The following CNTN5 variants were observed in gnomAD, a reference collection of about 807,000 sequenced individuals.
CNTN5 encodes contactin-5.
In CNTN5, 77 loss-of-function variants were observed where a neutral mutation model predicts 129.1. The ratio of observed to expected loss-of-function variants is 0.60; its 90% CI spans 0.50 to 0.72. The LOEUF (loss-of-function observed/expected upper bound fraction) is 0.72, where lower values mean the gene tolerates loss of function less well. Ranked by LOEUF, CNTN5 falls within the 30% of genes least tolerant of loss-of-function variation. The probability of loss-of-function intolerance (pLI) is 0.00; values close to 1 mark genes in which losing one functional copy is unlikely to be tolerated. For synonymous variants in CNTN5, 509 were observed against 465.6 expected (o/e 1.09, Z -1.20); for missense variants, 1,478 against 1,328.8 (o/e 1.11, Z -1.75).
At chr11:99,464,314 A>G (rs1388732177) in intron 2 of CNTN5, among the ~76,000 whole-genome samples, 1 of 152,218 alleles carries the variant, frequency 6.6e-6, no homozygotes, top group East Asian at 1.9e-4. Context: ...AGCACATGTT[A>G]TCATTGGAAG....
chr11:100,107,183 C>T (rs1038365377), intron 13 of CNTN5, among the ~76,000 whole-genome samples: 1 of 152,116 alleles, frequency 6.6e-6, no homozygotes, highest in East Asian at 1.9e-4. Context: ...TTTTTCCTCA[C>T]TCCTGCCTTG....
chr11:99,833,775 C>G (rs1441357216), intron 4 of CNTN5, among the ~76,000 whole-genome samples: 1 of 152,128 alleles, frequency 6.6e-6, no homozygotes, highest in Non-Finnish European at 1.5e-5. Flanking sequence ...TCAAGACCCT[C>G]TTGTAGAAGA....
At chr11:99,919,230 A>T (rs1357730826) in intron 7 of CNTN5, among the ~76,000 whole-genome samples, 1 of 142,296 alleles carries the variant, frequency 7.0e-6, no homozygotes, top group Non-Finnish European at 1.5e-5. Flanking sequence ...CATTTGTTGC[A>T]GTTCTAAGAC....
At chr11:99,053,447 T>C (rs1479558541) in intron 1 of CNTN5, among the ~76,000 whole-genome samples, 1 of 151,966 alleles carries the variant, frequency 6.6e-6, no homozygotes, top group Non-Finnish European at 1.5e-5. Context: ...CTTTTCAATA[T>C]ATATGTTTTT....
At chr11:99,213,097 A>G (rs976510432) in intron 1 of CNTN5, among the ~76,000 whole-genome samples, 6 of 151,674 alleles carry the variant, frequency 4.0e-5, no homozygotes, top group Admixed American at 1.3e-4. Flanking sequence ...AAGTTGAGGC[A>G]GGAGAATTGC....
intron 2 of CNTN5, among the ~76,000 whole-genome samples, chr11:99,463,433 G>A (rs1464560448): frequency 3.0e-5 from 2 of 67,446 alleles, no homozygotes; most frequent in Admixed American, 2.2e-4. Flanking sequence ...GCGAGACTCT[G>A]TCTCAAAAAG....
chr11:99,044,847 A>G (rs535723572), intron 1 of CNTN5, among the ~76,000 whole-genome samples: 1 of 152,302 alleles, frequency 6.6e-6, no homozygotes, highest in East Asian at 1.9e-4. Flanking sequence ...CGGTCTCTCT[A>G]CTATCAATGT....
chr11:99,296,952 G>A (rs749444998), intron 1 of CNTN5, among the ~76,000 whole-genome samples: 35 of 152,098 alleles, frequency 2.3e-4, no homozygotes, highest in Non-Finnish European at 3.4e-4. Context: ...AACCAAGAAG[G>A]GCTTACTTCC....
chr11:99,499,753 A>G (rs10893419), intron 2 of CNTN5, among the ~76,000 whole-genome samples: 38,286 of 152,108 alleles, frequency 0.25, 5,347 homozygotes, highest in East Asian at 0.43. Context: ...TTTTGCTGAC[A>G]ATGAGATATT....
chr11:100,074,905 C>A (rs757662332), intron 13 of CNTN5, among the ~76,000 whole-genome samples: 1 of 152,124 alleles, frequency 6.6e-6, no homozygotes, highest in Non-Finnish European at 1.5e-5. Context: ...GGAATCAAAT[C>A]ATCACATGGC....
chr11:100,216,357 A>T (rs903821099), intron 15 of CNTN5, among the ~76,000 whole-genome samples: 1 of 152,324 alleles, frequency 6.6e-6, no homozygotes, highest in Non-Finnish European at 1.5e-5. Context: ...ACAAAATAAT[A>T]TTAATCTTAA....
intron 3 of CNTN5, among the ~76,000 whole-genome samples, chr11:99,655,517 C>T (rs1032874808): frequency 6.6e-6 from 1 of 152,082 alleles, no homozygotes; most frequent in African/African-American, 2.4e-5. Flanking sequence ...CCCTCAAGGT[C>T]CTAGGTCCAT....
At chr11:100,239,821 C>T (rs1025856731) in intron 16 of CNTN5, among the ~76,000 whole-genome samples, 5 of 152,160 alleles carry the variant, frequency 3.3e-5, no homozygotes, top group Non-Finnish European at 7.3e-5. Context: ...ACTGAAGTGT[C>T]AGCATTCTCA....
intron 9 of CNTN5, among the ~76,000 whole-genome samples, chr11:100,029,750 G>T (rs1388408558): frequency 2.0e-5 from 3 of 152,150 alleles, no homozygotes; most frequent in East Asian, 3.9e-4. Context: ...CCTAGCTTTT[G>T]TAATGATTTT....
At chr11:99,764,007 T>A (rs191460364) in intron 3 of CNTN5, among the ~76,000 whole-genome samples, 84 of 152,146 alleles carry the variant, frequency 5.5e-4, no homozygotes, top group Non-Finnish European at 9.3e-4. Flanking sequence ...TTTATATTAT[T>A]TTTTTTCCAA....
chr11:100,188,651 T>G (rs560211018), intron 13 of CNTN5, among the ~76,000 whole-genome samples: 9 of 152,286 alleles, frequency 5.9e-5, no homozygotes, highest in African/African-American at 2.2e-4. Context: ...GAATGTAAAC[T>G]AGTTCAGCCA....
chr11:99,033,299 G>A (rs915698462), intron 1 of CNTN5, among the ~76,000 whole-genome samples: 116 of 152,120 alleles, frequency 7.6e-4, no homozygotes, highest in African/African-American at 2.7e-3. Flanking sequence ...TTCCAATTCT[G>A]TGAAGAAAGT....
At chr11:100,130,640 A>G (rs1480911387) in intron 13 of CNTN5, among the ~76,000 whole-genome samples, 1 of 151,998 alleles carries the variant, frequency 6.6e-6, no homozygotes, top group Non-Finnish European at 1.5e-5. Flanking sequence ...ACAGGATGCC[A>G]TGGGTTTGGG....
At chr11:99,664,283 G>A (rs1177104621) in intron 3 of CNTN5, among the ~76,000 whole-genome samples, 6 of 152,042 alleles carry the variant, frequency 3.9e-5, no homozygotes, top group African/African-American at 7.3e-5. Context: ...TGTGCTGCCC[G>A]AGTTCCCACT....
Sources: allele counts gnomAD v4.1 joint callset (sites outside exome capture counted in the v4.1 genomes callset), GRCh38; gene constraint gnomAD v4.1.1; transcripts MANE v1.5; gene names NCBI Gene and HGNC (gene_info 2026-07-23, HGNC 2026-07-21).